Variants in GSE1 observed in about 807,000 individuals in gnomAD.
GSE1 encodes genetic suppressor element 1.
A neutral mutation model predicts 112.6 loss-of-function variants in GSE1; 32 were observed. The observed-to-expected ratio is 0.28, with a 90% CI of 0.21 to 0.38. The LOEUF (loss-of-function observed/expected upper bound fraction) is 0.38, where lower values mean the gene tolerates loss of function less well. GSE1 is among the 10% of genes least tolerant of loss of function. The pLI, the probability that GSE1 is intolerant of heterozygous loss-of-function variation, is 1.00. For synonymous variants in GSE1, 1,115 were observed against 735.6 expected (o/e 1.52, Z -8.35); for missense variants, 2,348 against 1,699.2 (o/e 1.38, Z -6.71).
chr16:85,610,631 G>T (rs2047927446), upstream of GSE1, among the ~76,000 whole-genome samples: 1 of 152,210 alleles, frequency 6.6e-6, no homozygotes, highest in Non-Finnish European at 1.5e-5. Flanking sequence ...CAGCCCGCCT[G>T]GTGGCCGCCA....
At chr16:85,486,439 C>T (rs2050842311) in intron 2 of GSE1, among the ~76,000 whole-genome samples, 1 of 152,254 alleles carries the variant, frequency 6.6e-6, no homozygotes, top group Non-Finnish European at 1.5e-5. Flanking sequence ...GCACAGCTCC[C>T]ACCCCTTGGC....
At chr16:85,608,220 C>T (rs928865788), upstream of GSE1, among the ~76,000 whole-genome samples, 2 of 152,090 alleles carry the variant, frequency 1.3e-5, no homozygotes, top group African/African-American at 4.8e-5. Flanking sequence ...GCACCTTCAC[C>T]GATGCGTAGG....
chr16:85,242,082 T>G (rs1039007407), intron 1 of GSE1, among the ~76,000 whole-genome samples: 1 of 152,146 alleles, frequency 6.6e-6, no homozygotes, highest in Non-Finnish European at 1.5e-5. Context: ...GAGTCCCACG[T>G]CCCCAAGTGA....
intron 1 of GSE1, among the ~76,000 whole-genome samples, chr16:85,262,691 G>A (rs1284611857): frequency 3.3e-5 from 5 of 152,176 alleles, no homozygotes; most frequent in African/African-American, 9.6e-5. Context: ...GTGGGAGTCC[G>A]AGACTCCATG....
chr16:85,169,954 C>T, exon 1 of GSE1: 1 of 984,600 alleles, frequency 1.0e-6, no homozygotes, highest in Non-Finnish European at 1.2e-6. Context: ...CGCCTACGCG[C>T]TGGGCAGCGC....
chr16:85,284,145 G>A (rs942172678), intron 1 of GSE1, among the ~76,000 whole-genome samples: 2 of 152,188 alleles, frequency 1.3e-5, no homozygotes, highest in African/African-American at 2.4e-5. Flanking sequence ...AGATGCCCCC[G>A]GCCCAGGAGA....
At chr16:85,515,241 C>T (rs2051888811) in intron 2 of GSE1, among the ~76,000 whole-genome samples, 1 of 152,190 alleles carries the variant, frequency 6.6e-6, no homozygotes, top group South Asian at 2.1e-4. Flanking sequence ...TCACCTCTGC[C>T]CCCATCCCCG....
rs748655432 is a variant in GSE1 at position 85,655,910 on chromosome 16, G to A, written c.982G>A (p.Ala328Thr). The A allele has an allele frequency of 2.6e-5, 41 of 1,602,174 alleles. No individual in the cohort carries two copies. Among genetic ancestry groups the A allele is most frequent in the East Asian group, 2.2e-5 (1 of 44,876 alleles). The change falls in exon 6 of 16, where the codon GCG becomes ACG. Residue 328 changes from alanine (A) to threonine (T), a missense_variant. By Grantham distance (58) the Ala-to-Thr change is moderately conservative. Transcript: ENST00000253458. ...LHSERMSGLS[A>T]ERLQMDEELR... ...CTCGGAGCGCATGTCTGGCCTCAGC[G>A]CGGAGAGGTAAGTGCGTCTCGAGCC...
At chr16:85,306,971 C>G (rs780190276) in intron 1 of GSE1, among the ~76,000 whole-genome samples, 6 of 152,230 alleles carry the variant, frequency 3.9e-5, no homozygotes, top group Non-Finnish European at 7.3e-5. Flanking sequence ...GCGCTGTGCC[C>G]AAGCTCAGCA....
At chr16:85,605,582 T>C (rs1413129718) in intron 1 of GSE1, among the ~76,000 whole-genome samples, 3 of 151,946 alleles carry the variant, frequency 2.0e-5, no homozygotes, top group Admixed American at 1.3e-4. Flanking sequence ...GGGCAGCAGC[T>C]AAGGAAACGG....
rs1259554024 is a variant in GSE1, at chr16:85,186,736, G to A, written c.2283+14929G>A. On this transcript the variant is annotated intron_variant, in intron 1 of 2. Transcript: ENST00000637419. ...GCTATGATCATGCCACTGCACTCCA[G>A]CCTGGGTGACAGAGTAAGACCCTAT... Among the ~76,000 whole-genome samples, 8 of 152,294 alleles carry A rather than the reference G, an allele frequency of 5.3e-5. No homozygotes were observed. The East Asian group carries it at 7.7e-4, about 15-fold the overall frequency.
intron 1 of GSE1, among the ~76,000 whole-genome samples, chr16:85,281,463 C>T (rs2044856471): frequency 6.6e-6 from 1 of 152,142 alleles, no homozygotes; most frequent in Non-Finnish European, 1.5e-5. Context: ...AACCGAGGCC[C>T]ACAGGGATGG....
intron 1 of GSE1, among the ~76,000 whole-genome samples, chr16:85,226,759 GT>G (rs1434006828): frequency 1.7e-3 from 2 of 1,162 alleles, no homozygotes; most frequent in South Asian, 0.062. Context: ...GCCTGGACTG[GT>G]GTGTGTGTGT....
At chr16:85,313,850 G>A (rs1373045334) in intron 1 of GSE1, among the ~76,000 whole-genome samples, 6 of 152,240 alleles carry the variant, frequency 3.9e-5, no homozygotes, top group African/African-American at 1.2e-4. Context: ...TTGGGAGGCC[G>A]GAGGACCCAA....
chr16:85,359,571 A>T (rs1262931991), intron 2 of GSE1: 1 of 359,766 alleles, frequency 2.8e-6, no homozygotes, highest in African/African-American at 2.1e-5. Flanking sequence ...TCGTGAGCTG[A>T]TGCTTGTAAG....
At chr16:85,293,962 C>T (rs1263594735) in intron 1 of GSE1, among the ~76,000 whole-genome samples, 3 of 152,206 alleles carry the variant, frequency 2.0e-5, no homozygotes, top group African/African-American at 4.8e-5. Flanking sequence ...CCTGAAGTCT[C>T]GGGAGCAATG....
intron 1 of GSE1, among the ~76,000 whole-genome samples, chr16:85,256,584 C>T (rs1379260977): frequency 2.6e-5 from 4 of 152,256 alleles, no homozygotes; most frequent in East Asian, 1.9e-4. Context: ...CCCGGCCTCC[C>T]GGCCTTGGCT....
chr16:85,318,920 T>C (rs888598252), intron 1 of GSE1, among the ~76,000 whole-genome samples: 5 of 152,192 alleles, frequency 3.3e-5, no homozygotes, highest in African/African-American at 1.2e-4. Flanking sequence ...CTTAATAACA[T>C]GGATGAGGCA....
chr16:85,448,456 C>T (rs2049574454), intron 2 of GSE1, among the ~76,000 whole-genome samples: 1 of 152,224 alleles, frequency 6.6e-6, no homozygotes, highest in Non-Finnish European at 1.5e-5. Context: ...TGAGTGCCTA[C>T]TGTGTACCTG....
Sources: allele counts gnomAD v4.1 joint callset (sites outside exome capture counted in the v4.1 genomes callset), GRCh38; gene constraint gnomAD v4.1.1; transcripts MANE v1.5; gene names NCBI Gene and HGNC (gene_info 2026-07-23, HGNC 2026-07-21).